Variants in PDGFD observed in about 807,000 individuals in gnomAD.
PDGFD encodes the protein platelet derived growth factor D, also known as platelet-derived growth factor D.
PDGFD carries 30 observed loss-of-function variants against 44.7 expected under a neutral mutation model. That is an observed-to-expected ratio of 0.67 (90% CI 0.50 to 0.91). The LOEUF is 0.91. Ranked by LOEUF, PDGFD falls within the 40% of genes least tolerant of loss-of-function variation. The pLI is 0.00. For missense variants in PDGFD, 445 were observed against 457.8 expected (o/e 0.97, Z 0.25); for synonymous variants, 173 against 168.4 (o/e 1.03, Z -0.21).
intron 6 of PDGFD, among the ~76,000 whole-genome samples, chr11:103,919,347 C>A (rs1424905125): frequency 1.3e-5 from 2 of 152,142 alleles, no homozygotes; most frequent in Non-Finnish European, 1.5e-5. Flanking sequence ...GAAAAGCTAT[C>A]TGCTGAGTCT....
intron 1 of PDGFD, among the ~76,000 whole-genome samples, chr11:104,071,877 C>G (rs1860883129): frequency 6.6e-6 from 1 of 151,644 alleles, no homozygotes; most frequent in African/African-American, 2.4e-5. Flanking sequence ...GAGATGCCAC[C>G]TTTATCATAT....
rs548499083 is a variant in PDGFD, at chr11:104,035,102, T to C, written c.125-34847A>G. On this transcript the variant is annotated intron_variant, in intron 1 of 6. Transcript: ENST00000393158. Reference sequence around the variant, plus strand: ...GGGAGAAGGTGGCTGTGCCCAAATGTCAGAGAGAGGCATATTGGCCTCTAG... The same window carrying C: ...GGGAGAAGGTGGCTGTGCCCAAATGCCAGAGAGAGGCATATTGGCCTCTAG... 4.6e-5 allele frequency among the ~76,000 whole-genome samples: 7 copies of C among 152,176 alleles called. No homozygotes were observed. The South Asian group carries it at 1.2e-3, about 27-fold the overall frequency.
At chr11:104,127,700 CGT>C (rs145674250) in intron 1 of PDGFD, among the ~76,000 whole-genome samples, 1 of 151,396 alleles carries the variant, frequency 6.6e-6, no homozygotes, top group African/African-American at 2.4e-5. Flanking sequence ...GGTATGAATA[CGT>C]GTGTGTGTGT....
intron 1 of PDGFD, among the ~76,000 whole-genome samples, chr11:104,020,113 A>G (rs1284184226): frequency 1.3e-5 from 2 of 152,152 alleles, no homozygotes; most frequent in Admixed American, 6.5e-5. Flanking sequence ...AGTTCAAAAG[A>G]TGGAGAGGCA....
intron 1 of PDGFD, among the ~76,000 whole-genome samples, chr11:104,015,403 A>G (rs970916753): frequency 6.6e-6 from 1 of 152,210 alleles, no homozygotes; most frequent in African/African-American, 2.4e-5. Flanking sequence ...TACATTTTAA[A>G]TTAATCTGAG....
At chr11:103,993,121 G>A (rs1165785696) in intron 3 of PDGFD, among the ~76,000 whole-genome samples, 1 of 152,170 alleles carries the variant, frequency 6.6e-6, no homozygotes, top group African/African-American at 2.4e-5. Flanking sequence ...AGGCAGGAGT[G>A]CAGTGGTGGC....
intron 3 of PDGFD, among the ~76,000 whole-genome samples, chr11:103,991,251 G>C (rs1345486241): frequency 6.6e-6 from 1 of 151,954 alleles, no homozygotes; most frequent in Non-Finnish European, 1.5e-5. Flanking sequence ...AGCATAATTA[G>C]AGTCTGCAAA....
At chr11:103,969,026 C>G (rs1037044022) in intron 3 of PDGFD, among the ~76,000 whole-genome samples, 6 of 152,212 alleles carry the variant, frequency 3.9e-5, no homozygotes, top group African/African-American at 1.4e-4. Context: ...ACAAATGAAA[C>G]CACATCCTTT....
In PDGFD at chr11:103,968,886, T is replaced by A. The variant is rs115643734; in HGVS notation, c.511-21162A>T. Among the ~76,000 whole-genome samples the A allele has an allele frequency of 6.9e-3, 1,049 of 152,288 alleles. 16 individuals carry two copies. Among genetic ancestry groups the A allele is most frequent in the African/African-American group, 0.024 (997 of 41,532 alleles). On this transcript the variant is annotated intron_variant, in intron 3 of 6. Coordinates refer to ENST00000393158, the MANE Select transcript of PDGFD (RefSeq NM_025208.5). The stretch of plus-strand genomic sequence containing the variant: ...AACATCATTTCCAGCCAGTGGCTCA[T>A]GTTTCTCCAGGCTTTCAGAATTACT...
At chr11:103,947,784 C>A in intron 3 of PDGFD, 60 bp from the exon 4 acceptor site, 1 of 1,190,310 alleles carries the variant, frequency 8.4e-7, no homozygotes, top group South Asian at 1.2e-5. Flanking sequence ...ATTATGTGCA[C>A]AGTTTCAACA....
At chr11:103,988,805 A>G (rs1427499885) in intron 3 of PDGFD, among the ~76,000 whole-genome samples, 1 of 152,184 alleles carries the variant, frequency 6.6e-6, no homozygotes, top group African/African-American at 2.4e-5. Flanking sequence ...TCACTTGTAA[A>G]ATAACAGGAT....
At chr11:104,119,131 T>C (rs1292807109) in intron 1 of PDGFD, among the ~76,000 whole-genome samples, 2 of 53,742 alleles carry the variant, frequency 3.7e-5, no homozygotes, top group African/African-American at 1.5e-4. Flanking sequence ...ATTGATATAA[T>C]ATATAATATA....
intron 1 of PDGFD, among the ~76,000 whole-genome samples, chr11:104,076,410 T>A (rs1860959082): frequency 6.6e-6 from 1 of 152,178 alleles, no homozygotes; most frequent in South Asian, 2.1e-4. Context: ...TCAAATGTCT[T>A]TCATTAGAGG....
chr11:104,093,309 C>T (rs778426631), intron 1 of PDGFD, among the ~76,000 whole-genome samples: 32 of 152,012 alleles, frequency 2.1e-4, no homozygotes, highest in Non-Finnish European at 3.5e-4. Context: ...TCAGTGCACA[C>T]ACACACACAC....
At chr11:103,939,034 G>C (rs866923091) in intron 5 of PDGFD, among the ~76,000 whole-genome samples, 2 of 152,152 alleles carry the variant, frequency 1.3e-5, no homozygotes, top group Non-Finnish European at 2.9e-5. Flanking sequence ...ACTTGGCGAT[G>C]TGGGCTCTTT....
intron 1 of PDGFD, among the ~76,000 whole-genome samples, chr11:104,010,325 C>A (rs1240712301): frequency 1.3e-5 from 2 of 151,634 alleles, no homozygotes; most frequent in Non-Finnish European, 2.9e-5. Flanking sequence ...CAAAATTATT[C>A]TTCTTCAAGA....
Position 104,101,535 on chromosome 11 carries a change from C to G in PDGFD, c.124+62269G>C, listed in dbSNP as rs375795266. Among the ~76,000 whole-genome samples the G allele has an allele frequency of 3.2e-4, 49 of 152,290 alleles. 1 individual carries two copies. The East Asian group carries it at 9.5e-3, about 29-fold the overall frequency. On this transcript the variant is annotated intron_variant, in intron 1 of 6. Coordinates refer to ENST00000393158, the MANE Select transcript of PDGFD (RefSeq NM_025208.5). Reference sequence around the variant, plus strand: ...TTTACAGATTCAATGCCATCCCCATCAAGCTACCAATGACTTTCTTCACAG... The same window carrying G: ...TTTACAGATTCAATGCCATCCCCATGAAGCTACCAATGACTTTCTTCACAG...
intron 1 of PDGFD, among the ~76,000 whole-genome samples, chr11:104,113,836 C>T (rs181550883): frequency 7.2e-5 from 11 of 152,126 alleles, no homozygotes; most frequent in Admixed American, 2.0e-4. Flanking sequence ...CGGTATCTCA[C>T]TTCTGTTTTA....
At chr11:103,998,173 G>T (rs1859564191) in intron 2 of PDGFD, among the ~76,000 whole-genome samples, 1 of 152,172 alleles carries the variant, frequency 6.6e-6, no homozygotes, top group South Asian at 2.1e-4. Context: ...TCTGAGTGCT[G>T]GGGTTAGAGG....
Sources: gnomAD v4.1 joint callset for allele counts (sites outside exome capture counted in the v4.1 genomes callset) on GRCh38, gnomAD v4.1.1 for gene constraint, MANE v1.5 for transcripts, NCBI Gene and HGNC (gene_info 2026-07-23, HGNC 2026-07-21) for gene names.